The following EPB41 variants were observed in gnomAD, a reference collection of about 807,000 sequenced individuals.
EPB41 encodes protein 4.1.
Under a neutral mutation model 108.0 loss-of-function variants are expected in EPB41, and 65 were observed. That is an observed-to-expected ratio of 0.60 (90% CI 0.49 to 0.74). The LOEUF is 0.74. EPB41 is among the 30% of genes least tolerant of loss of function. EPB41 has a pLI of 0.00. For synonymous variants in EPB41, 336 were observed against 358.9 expected, an observed-to-expected ratio of 0.94 and a Z score of 0.72; for missense variants, 875 against 1,037.0, an observed-to-expected ratio of 0.84 and a Z score of 2.15.
chr1:29,008,398 A>G (rs1044185901), intron 4 of EPB41, among the ~76,000 whole-genome samples: 7 of 152,220 alleles, frequency 4.6e-5, no homozygotes, highest in African/African-American at 1.4e-4. Flanking sequence ...TTAACCTGCA[A>G]TAACTCTGTG....
At chr1:29,059,366 A>G (rs1056566880) in intron 14 of EPB41, among the ~76,000 whole-genome samples, 2 of 152,208 alleles carry the variant, frequency 1.3e-5, no homozygotes, top group African/African-American at 2.4e-5. Flanking sequence ...GCAAAATGAA[A>G]TAATCAGTGA....
intron 19 of EPB41, among the ~76,000 whole-genome samples, chr1:29,113,281 T>C (rs1669818990): frequency 6.6e-6 from 1 of 152,248 alleles, no homozygotes; most frequent in Non-Finnish European, 1.5e-5. Flanking sequence ...CAAATGCTTC[T>C]GGAATCGTTG....
intron 16 of EPB41, among the ~76,000 whole-genome samples, chr1:29,080,155 G>A (rs1655929912): frequency 6.7e-6 from 1 of 150,000 alleles, no homozygotes; most frequent in African/African-American, 2.4e-5. Context: ...CCTTCGTTCT[G>A]TAGCCCAGGC....
intron 1 of EPB41, among the ~76,000 whole-genome samples, chr1:28,939,942 A>G (rs915217631): frequency 1.3e-5 from 2 of 152,196 alleles, no homozygotes; most frequent in Non-Finnish European, 2.9e-5. Flanking sequence ...TGTGATAGAA[A>G]CTAGGGCAGC....
chr1:29,080,097 A>ATTAT (rs33953606), intron 16 of EPB41, among the ~76,000 whole-genome samples: 48,941 of 145,478 alleles, frequency 0.34, 9,200 homozygotes, highest in Non-Finnish European at 0.42. Context: ...ATAAAGCAAC[A>ATTAT]TTATTTATTT....
chr1:28,959,319 C>T (rs1442446058), intron 1 of EPB41, among the ~76,000 whole-genome samples: 3 of 147,390 alleles, frequency 2.0e-5, no homozygotes, highest in South Asian at 4.2e-4. Context: ...TGCGTTCAAG[C>T]GATTCTCCTG....
chr1:29,042,804 T>C (rs1182888942), intron 11 of EPB41, among the ~76,000 whole-genome samples: 3 of 152,072 alleles, frequency 2.0e-5, no homozygotes, highest in East Asian at 1.9e-4. Context: ...TCTACTCTCC[T>C]GAGGGGCTGT....
At chr1:28,917,311 T>C (rs1331537484) in intron 1 of EPB41, among the ~76,000 whole-genome samples, 3 of 149,782 alleles carry the variant, frequency 2.0e-5, no homozygotes, top group Non-Finnish European at 4.5e-5. Context: ...GATGGAGTCT[T>C]ACTCTGTCAC....
intron 1 of EPB41, among the ~76,000 whole-genome samples, chr1:28,971,699 A>T (rs924500187): frequency 6.6e-6 from 1 of 152,204 alleles, no homozygotes; most frequent in Non-Finnish European, 1.5e-5. Flanking sequence ...CAGTATTCAG[A>T]TATCTTTCTG....
At chr1:29,079,089 G>A (rs1438596448) in intron 16 of EPB41, among the ~76,000 whole-genome samples, 1 of 151,314 alleles carries the variant, frequency 6.6e-6, no homozygotes, top group Non-Finnish European at 1.5e-5. Context: ...TCCGCCTCCC[G>A]GGTTAAAGTG....
In EPB41 at chr1:28,954,293, T is replaced by C. The variant is rs551372432; in HGVS notation, c.-7-33138T>C. On this transcript the variant is annotated intron_variant, in intron 1 of 20. Transcript: ENST00000343067. ...TGTAGAGGGCAAAGTAAAAGAAAAG[T>C]GCTAAATAACAAAGAGCTATTGGCA... is the stretch of plus-strand genomic sequence containing the variant. 2.6e-5 allele frequency among the ~76,000 whole-genome samples: 4 copies of C among 152,344 alleles called. No homozygotes were observed. In the East Asian group the frequency reaches 7.7e-4, roughly 29 times the overall value.
chr1:29,102,867 G>A (rs1665899884), intron 17 of EPB41, among the ~76,000 whole-genome samples: 2 of 152,162 alleles, frequency 1.3e-5, no homozygotes, highest in South Asian at 2.1e-4. Context: ...CCACCTCCTG[G>A]GTTCCAGCGA....
chr1:29,001,771 C>G (rs189901902), intron 4 of EPB41, among the ~76,000 whole-genome samples: 1 of 152,298 alleles, frequency 6.6e-6, no homozygotes, highest in East Asian at 1.9e-4. Flanking sequence ...TCCTCCTTTA[C>G]ACAATCAAGC....
chr1:29,086,157 A>AT (rs1468323305), intron 16 of EPB41, among the ~76,000 whole-genome samples: 53 of 152,316 alleles, frequency 3.5e-4, no homozygotes, highest in South Asian at 1.7e-3. Context: ...TTTATTACCA[A>AT]AGTAATACAT....
chr1:28,986,172 A>G (rs1472033460), intron 1 of EPB41, among the ~76,000 whole-genome samples: 1 of 151,962 alleles, frequency 6.6e-6, no homozygotes, highest in African/African-American at 2.4e-5. Context: ...ATCATTTTTT[A>G]TGGCTGCATA....
chr1:29,058,528 C>A, intron 12 of EPB41, 61 bp from the exon 13 acceptor site: 1 of 1,438,430 alleles, frequency 7.0e-7, no homozygotes, highest in Non-Finnish European at 9.7e-7. Context: ...TTGGAAACAA[C>A]ACTATTCATA....
At chr1:29,012,257 C>T (rs1461633647) in intron 5 of EPB41, among the ~76,000 whole-genome samples, 2 of 152,042 alleles carry the variant, frequency 1.3e-5, no homozygotes, top group African/African-American at 4.8e-5. Flanking sequence ...GACTTGAAAC[C>T]GCAGTTGCCT....
At chr1:28,896,449 C>T (rs1217066354) in intron 1 of EPB41, among the ~76,000 whole-genome samples, 1 of 152,198 alleles carries the variant, frequency 6.6e-6, no homozygotes, top group Non-Finnish European at 1.5e-5. Flanking sequence ...TGTGTCAGGC[C>T]CTGTGCTGGG....
In EPB41 at chr1:28,966,080, G is replaced by A. The variant is rs1304322543; in HGVS notation, c.-7-21351G>A. ...AGCCTGTAATTCCAGCTACTTGGGA[G>A]GCTGAGGCAGGAGAATCACTTGAAC... On this transcript the variant is annotated intron_variant, in intron 1 of 20. Transcript: ENST00000343067. Among the ~76,000 whole-genome samples the A allele has an allele frequency of 2.0e-5, 3 of 152,136 alleles. No homozygotes were observed. In the South Asian group the frequency reaches 6.2e-4, roughly 32 times the overall value.
Sources: gnomAD v4.1 joint callset for allele counts (sites outside exome capture counted in the v4.1 genomes callset) on GRCh38, gnomAD v4.1.1 for gene constraint, MANE v1.5 for transcripts, NCBI Gene and HGNC (gene_info 2026-07-23, HGNC 2026-07-21) for gene names.